CACNA1E: variants seen among roughly 807,000 people sequenced by gnomAD.
CACNA1E encodes calcium voltage-gated channel subunit alpha1 E, also known as voltage-dependent R-type calcium channel subunit alpha-1E.
CACNA1E carries 40 observed loss-of-function variants against 259.2 expected under a neutral mutation model. The observed-to-expected ratio is 0.15, with a 90% CI of 0.12 to 0.20. The LOEUF is 0.20. CACNA1E is among the 10% of genes least tolerant of loss of function. CACNA1E has a pLI of 1.00. For missense variants in CACNA1E, 1,874 were observed against 3,040.1 expected (o/e 0.62, Z 9.02); for synonymous variants, 1,104 against 1,138.5 (o/e 0.97, Z 0.61).
intron 3 of CACNA1E, 38 bp from the exon 4 acceptor site, chr1:181,577,728 G>A: frequency 7.1e-7 from 1 of 1,409,946 alleles, no homozygotes; most frequent in Non-Finnish European, 9.9e-7. Flanking sequence ...GGGAAAACCA[G>A]ACTGGTAACC....
intron 8 of CACNA1E, 112 bp downstream of exon 8, chr1:181,711,181 C>G: frequency 1.4e-6 from 1 of 728,388 alleles, no homozygotes; most frequent in Admixed American, 2.4e-5. Flanking sequence ...ACAAGAGAGA[C>G]ACTCTGGATG....
chr1:181,524,608 C>T (rs1226961449), intron 3 of CACNA1E, among the ~76,000 whole-genome samples: 2 of 152,166 alleles, frequency 1.3e-5, no homozygotes, highest in Admixed American at 6.5e-5. Context: ...AGGTAGAGAC[C>T]CAGGCTCCTT....
chr1:181,440,448 G>A (rs1558006710), intron 2 of CACNA1E, among the ~76,000 whole-genome samples: 1 of 152,168 alleles, frequency 6.6e-6, no homozygotes, highest in African/African-American at 2.4e-5. Context: ...TGGACTGAAA[G>A]TTGTGTGTGT....
chr1:181,483,347 TGCCAGAAGA>T (rs1469244667), upstream of CACNA1E: 2 of 160,490 alleles, frequency 1.2e-5, no homozygotes, highest in African/African-American at 4.8e-5. Context: ...GTGGTGCGTC[TGCCAGAAGA>T]GGAGCTATGT....
At chr1:181,464,311 T>C (rs1293729631) in intron 2 of CACNA1E, among the ~76,000 whole-genome samples, 1 of 150,424 alleles carries the variant, frequency 6.6e-6, no homozygotes, top group Non-Finnish European at 1.5e-5. Flanking sequence ...TAAGGGAGCC[T>C]TGCCATATTT....
At chr1:181,521,868 G>C (rs745730312) in intron 3 of CACNA1E, among the ~76,000 whole-genome samples, 11 of 152,040 alleles carry the variant, frequency 7.2e-5, no homozygotes, top group Middle Eastern at 3.2e-3. Context: ...GGCTAGAGGT[G>C]GGGGAGGCCA....
intron 3 of CACNA1E, among the ~76,000 whole-genome samples, chr1:181,532,506 G>T (rs1391661507): frequency 6.6e-6 from 1 of 152,218 alleles, no homozygotes; most frequent in African/African-American, 2.4e-5. Flanking sequence ...CACCTCCAGG[G>T]GCAGAGCACG....
chr1:181,397,890 G>A (rs1369081575), intron 1 of CACNA1E, among the ~76,000 whole-genome samples: 1 of 152,210 alleles, frequency 6.6e-6, no homozygotes, highest in African/African-American at 2.4e-5. Flanking sequence ...AATGACCTGA[G>A]AGATCCTGGA....
At chr1:181,738,163 G>A (rs934688544) in intron 23 of CACNA1E, among the ~76,000 whole-genome samples, 1 of 152,228 alleles carries the variant, frequency 6.6e-6, no homozygotes, top group Non-Finnish European at 1.5e-5. Flanking sequence ...GGGTCACATG[G>A]CTCCAGCAGG....
chr1:181,617,968 A>G (rs199963), intron 6 of CACNA1E, among the ~76,000 whole-genome samples: 150,903 of 152,306 alleles, frequency 0.99, 74,764 homozygotes, highest in Middle Eastern at 1. Context: ...TTTGCCTGTC[A>G]GTTCCTTTTA....
chr1:181,591,216 A>T (rs1202391509), intron 6 of CACNA1E, among the ~76,000 whole-genome samples: 2 of 152,242 alleles, frequency 1.3e-5, no homozygotes, highest in African/African-American at 4.8e-5. Flanking sequence ...TTCTTTGTGG[A>T]GACCTTGGAG....
intron 1 of CACNA1E, among the ~76,000 whole-genome samples, chr1:181,494,707 C>T (rs1558053011): frequency 6.6e-6 from 1 of 152,292 alleles, no homozygotes; most frequent in African/African-American, 2.4e-5. Flanking sequence ...GGTCCGAATC[C>T]AAAGTTTAAG....
Position 181,485,647 on chromosome 1 carries a change from C to G in CACNA1E, c.266+1637C>G, listed in dbSNP as rs1473790101. On this transcript the variant is annotated intron_variant, in intron 1 of 47. Coordinates refer to ENST00000367573, the MANE Select transcript of CACNA1E (RefSeq NM_001205293.3). This position sits in a 1 kb window ranked among gnomAD's most constrained non-coding sequence, Gnocchi z 4.2. The stretch of plus-strand genomic sequence containing the variant: ...GTCGGGTCCCTGCAGTCACGCCTGC[C>G]GGTGCGCTGCACAAAGCGGACAGAT... Among the ~76,000 whole-genome samples the G allele has an allele frequency of 3.3e-5, 5 of 152,290 alleles. No homozygotes were observed. The East Asian group carries it at 5.8e-4, about 18-fold the overall frequency.
At chr1:181,612,519 A>G (rs987288702) in intron 6 of CACNA1E, among the ~76,000 whole-genome samples, 3 of 152,066 alleles carry the variant, frequency 2.0e-5, no homozygotes, top group African/African-American at 7.2e-5. Context: ...TGAGGGCTGG[A>G]CTCTGGAGTA....
intron 2 of CACNA1E, among the ~76,000 whole-genome samples, chr1:181,440,933 G>C (rs1660421391): frequency 7.2e-6 from 1 of 138,996 alleles, no homozygotes; most frequent in Admixed American, 7.7e-5. Flanking sequence ...GTGAGCCATG[G>C]TCATGCCATT....
At chr1:181,628,849 G>A (rs894514236) in intron 6 of CACNA1E, among the ~76,000 whole-genome samples, 1 of 152,100 alleles carries the variant, frequency 6.6e-6, no homozygotes, top group African/African-American at 2.4e-5. Context: ...TCTTGAGTTG[G>A]CAGTTAACTG....
intron 7 of CACNA1E, among the ~76,000 whole-genome samples, chr1:181,700,540 T>C (rs141107683): frequency 9.2e-5 from 14 of 152,326 alleles, no homozygotes; most frequent in Admixed American, 7.2e-4. Context: ...TACAGCATCA[T>C]AGGGTCACCA....
intron 1 of CACNA1E, among the ~76,000 whole-genome samples, chr1:181,493,977 G>A (rs1464088221): frequency 6.6e-6 from 1 of 152,214 alleles, no homozygotes; most frequent in Non-Finnish European, 1.5e-5. Context: ...AGTGGCTGCT[G>A]ATCCCTGAAG....
intron 34 of CACNA1E, among the ~76,000 whole-genome samples, chr1:181,766,307 C>A (rs901220089): frequency 2.0e-5 from 3 of 152,182 alleles, no homozygotes; most frequent in Admixed American, 2.0e-4. Flanking sequence ...GTGAGTGAAT[C>A]TCCCTGATAG....
Sources: gnomAD v4.1 joint callset for allele counts (sites outside exome capture counted in the v4.1 genomes callset) on GRCh38, gnomAD v4.1.1 for gene constraint, Gnocchi (gnomAD v3.1) non-coding constraint, MANE v1.5 for transcripts, NCBI Gene and HGNC (gene_info 2026-07-23, HGNC 2026-07-21) for gene names.